The following USP33 variants were observed in gnomAD, a reference collection of about 807,000 sequenced individuals.
USP33 encodes ubiquitin carboxyl-terminal hydrolase 33.
USP33 carries 46 observed loss-of-function variants against 124.2 expected under a neutral mutation model. The observed-to-expected ratio is 0.37, with a 90% confidence interval of 0.29 to 0.47. The LOEUF (loss-of-function observed/expected upper bound fraction) is 0.47. Among genes scored for constraint, USP33 ranks in the 20% least tolerant of loss-of-function variants. The probability of loss-of-function intolerance (pLI) is 0.99; values close to 1 mark genes in which losing one functional copy is unlikely to be tolerated. For missense variants in USP33, 851 were observed against 1,070.6 expected, an observed-to-expected ratio of 0.79 and a Z score of 2.86; for synonymous variants, 350 against 352.3, an observed-to-expected ratio of 0.99 and a Z score of 0.07.
rs763835285 is a variant in USP33 at position 77,722,092 on chromosome 1, T to C, written c.1494A>G (p.Lys498=). 10 of 1,614,116 alleles carry C rather than the reference T, an allele frequency of 6.2e-6. No homozygotes were observed. The highest frequency in any genetic ancestry group is 8.5e-6 in the Non-Finnish European group (10 of 1,179,964). ...CATATGCTTCGCCACATGATCCTGC[T>C]TTGACTATAGAAGTTGGATGACTTG... ...HSSSHPTSIV[K]AGSCGEAYAP... is the part of the protein sequence containing the mutation. The change falls in exon 13 of 24, where the codon AAA becomes AAG. Residue 498 remains lysine, a synonymous_variant. Coordinates refer to ENST00000370794, the MANE Select transcript of USP33 (RefSeq NM_201624.3).
At chr1:77,717,718 C>T (rs538246140) in intron 17 of USP33, 149 bp downstream of exon 17, 1 of 520,842 alleles carries the variant, frequency 1.9e-6, no homozygotes, top group African/African-American at 2.0e-5. Context: ...CTATGCTGCC[C>T]AAGCTGGTCT....
At chr1:77,722,255 G>C (rs1676643863) in intron 12 of USP33, 59 bp from the exon 13 acceptor site, 8 of 1,443,736 alleles carry the variant, frequency 5.5e-6, no homozygotes, top group South Asian at 3.0e-5. Flanking sequence ...ACATTTCCAA[G>C]GTTAGATTTT....
At chr1:77,723,012 T>A (rs1676748098) in intron 12 of USP33, among the ~76,000 whole-genome samples, 1 of 152,222 alleles carries the variant, frequency 6.6e-6, no homozygotes, top group Non-Finnish European at 1.5e-5. Context: ...GTATACAAAT[T>A]TCATCAGCCT....
At chr1:77,701,276 G>A (rs1263266372) in intron 22 of USP33, 93 bp downstream of exon 22, 2 of 824,296 alleles carry the variant, frequency 2.4e-6, no homozygotes, top group Non-Finnish European at 3.9e-6. Context: ...GTTCAATAGT[G>A]TAATCCCAAG....
Position 77,717,886 on chromosome 1 carries a change from G to A in USP33, c.1899C>T (p.Cys633=). ...IVTYDLLSVI[C]HHGTASSGHY... is the part of the protein sequence containing the mutation. ...ACTTACTACTTGCAGTTCCATGATG[G>A]CAAATGACTGACAGAAGATCATATG... is the stretch of plus-strand genomic sequence containing the variant. The change falls in exon 17 of 24, where the codon TGC becomes TGT. Residue 633 remains cysteine (C), a synonymous_variant. Transcript: ENST00000370794. 1 of 1,609,740 alleles carries A rather than the reference G, an allele frequency of 6.2e-7. No homozygotes were observed. Among genetic ancestry groups the A allele is most frequent in the Non-Finnish European group, 8.5e-7 (1 of 1,178,472 alleles).
chr1:77,726,468 A>AC (rs1677172235), intron 10 of USP33, among the ~76,000 whole-genome samples: 1 of 151,662 alleles, frequency 6.6e-6, no homozygotes, highest in African/African-American at 2.4e-5. Flanking sequence ...ACATCATGAG[A>AC]CCCCCATCTC....
At chr1:77,723,879 T>C (rs1676861687) in intron 11 of USP33, among the ~76,000 whole-genome samples, 1 of 152,048 alleles carries the variant, frequency 6.6e-6, no homozygotes, top group Non-Finnish European at 1.5e-5. Context: ...TTAGCCAGGA[T>C]AGTCTCGATC....
chr1:77,741,801 C>A (rs1023571404), intron 1 of USP33, 53 bp from the exon 2 acceptor site: 3 of 1,436,348 alleles, frequency 2.1e-6, no homozygotes, highest in South Asian at 3.0e-5. Context: ...ACAATGCCTG[C>A]AAAGATTCCA....
At chr1:77,706,851 C>A (rs1268965260) in intron 21 of USP33, among the ~76,000 whole-genome samples, 2 of 152,190 alleles carry the variant, frequency 1.3e-5, no homozygotes, top group Non-Finnish European at 2.9e-5. Flanking sequence ...TCATCTACTA[C>A]TACCTACTGA....
At chr1:77,747,369 C>T (rs550983288) in intron 1 of USP33, among the ~76,000 whole-genome samples, 1 of 151,832 alleles carries the variant, frequency 6.6e-6, no homozygotes, top group African/African-American at 2.4e-5. Context: ...ATTCCACTGC[C>T]GCAGCCTTCC....
intron 2 of USP33, 85 bp downstream of exon 2, chr1:77,741,532 A>T: frequency 6.5e-7 from 1 of 1,536,792 alleles, no homozygotes; most frequent in East Asian, 2.3e-5. Flanking sequence ...AATACTGCTC[A>T]TAGAGTATTA....
At chr1:77,697,645 T>C (rs1673547852) in intron 23 of USP33, 171 bp from the exon 24 acceptor site, 1 of 944,348 alleles carries the variant, frequency 1.1e-6, no homozygotes, top group Admixed American at 3.2e-5. Flanking sequence ...ATGGCTTGTC[T>C]TAAAAAGTCA....
intron 11 of USP33, among the ~76,000 whole-genome samples, chr1:77,725,237 C>T (rs536038404): frequency 1.1e-4 from 17 of 151,900 alleles, no homozygotes; most frequent in South Asian, 4.2e-4. Flanking sequence ...TAGGAAAAGG[C>T]AAAACAATAA....
At chr1:77,714,916 T>C (rs1675692997) in intron 18 of USP33, 133 bp from the exon 19 acceptor site, 5 of 876,644 alleles carry the variant, frequency 5.7e-6, no homozygotes, top group Non-Finnish European at 8.7e-6. Context: ...TCAAGAGAAA[T>C]ATACTTTGTA....
At chr1:77,758,587 TTC>T (rs964724812) in intron 1 of USP33, among the ~76,000 whole-genome samples, 3 of 152,234 alleles carry the variant, frequency 2.0e-5, no homozygotes, top group Non-Finnish European at 4.4e-5. Context: ...GATTCCTATT[TTC>T]TCTCTTATTT....
chr1:77,724,066 A>G (rs1676888099), intron 11 of USP33, among the ~76,000 whole-genome samples: 1 of 152,076 alleles, frequency 6.6e-6, no homozygotes, highest in Non-Finnish European at 1.5e-5. Context: ...ATGCTTCATC[A>G]CTGGGATGTT....
At chr1:77,729,354 A>G (rs1677528358) in intron 9 of USP33, among the ~76,000 whole-genome samples, 1 of 147,810 alleles carries the variant, frequency 6.8e-6, no homozygotes, top group South Asian at 2.2e-4. Context: ...CAACATAATG[A>G]GACATTATCT....
intron 1 of USP33, among the ~76,000 whole-genome samples, chr1:77,746,180 T>A (rs1679723688): frequency 6.6e-6 from 1 of 151,874 alleles, no homozygotes; most frequent in Non-Finnish European, 1.5e-5. Flanking sequence ...ACAGATGCAA[T>A]AAAAAATGAT....
At chr1:77,722,485 A>C in intron 12 of USP33, 10 of 203,392 alleles carry the variant, frequency 4.9e-5, no homozygotes, top group South Asian at 2.9e-4. Context: ...AACACCCCAA[A>C]TCCAGCCACT....
Sources: gnomAD v4.1 joint callset for allele counts (sites outside exome capture counted in the v4.1 genomes callset) on GRCh38, gnomAD v4.1.1 for gene constraint, MANE v1.5 for transcripts, NCBI Gene and HGNC (gene_info 2026-07-23, HGNC 2026-07-21) for gene names.